NRXN1: variants seen among roughly 807,000 people sequenced by gnomAD.
NRXN1 encodes neurexin 1, also known as neurexin-1.
A neutral mutation model predicts 150.9 loss-of-function variants in NRXN1; 39 were observed. The ratio of observed to expected loss-of-function variants is 0.26; its 90% confidence interval spans 0.20 to 0.34. The LOEUF (loss-of-function observed/expected upper bound fraction) is 0.34. Ranked by LOEUF, NRXN1 falls within the 10% of genes least tolerant of loss-of-function variation. NRXN1 has a pLI of 1.00. For missense variants in NRXN1, 1,815 were observed against 1,949.9 expected, an observed-to-expected ratio of 0.93 and a Z score of 1.30; for synonymous variants, 924 against 757.0, an observed-to-expected ratio of 1.22 and a Z score of -3.62.
intron 21 of NRXN1, among the ~76,000 whole-genome samples, chr2:49,980,765 G>T (rs899878744): frequency 5.3e-5 from 8 of 152,012 alleles, no homozygotes; most frequent in Admixed American, 2.6e-4. Flanking sequence ...AGATATACAG[G>T]CAATGTCATT....
intron 21 of NRXN1, among the ~76,000 whole-genome samples, chr2:50,009,014 G>C (rs1049522927): frequency 2.0e-5 from 3 of 152,078 alleles, no homozygotes; most frequent in Admixed American, 2.0e-4. Context: ...AAAAAGCTCA[G>C]GATGGTTTCA....
At chr2:50,033,792 A>C (rs2152570050) in intron 21 of NRXN1, among the ~76,000 whole-genome samples, 1 of 151,888 alleles carries the variant, frequency 6.6e-6, no homozygotes, top group Admixed American at 6.6e-5. Flanking sequence ...CACACACACA[A>C]ACCCAATTAA....
chr2:50,922,764 G>C, intron 3 of NRXN1, 77 bp from the exon 4 acceptor site: 1 of 1,383,960 alleles, frequency 7.2e-7, no homozygotes, highest in Non-Finnish European at 1.0e-6. Flanking sequence ...TGACAAAAAT[G>C]TTCAGTGACA....
chr2:50,614,656 T>C (rs1256575715), intron 8 of NRXN1, among the ~76,000 whole-genome samples: 1 of 114,846 alleles, frequency 8.7e-6, no homozygotes, highest in Non-Finnish European at 1.8e-5. Context: ...TATATATATA[T>C]ATAAAATAAA....
intron 2 of NRXN1, among the ~76,000 whole-genome samples, chr2:50,968,063 ATAAGAC>A (rs1229502650): frequency 2.6e-5 from 4 of 152,088 alleles, no homozygotes; most frequent in Non-Finnish European, 5.9e-5. Context: ...TTAAAATAAA[ATAAGAC>A]TAATACTGTT....
intron 5 of NRXN1, among the ~76,000 whole-genome samples, chr2:50,634,938 C>T (rs568584917): frequency 3.2e-4 from 49 of 152,218 alleles, no homozygotes; most frequent in African/African-American, 1.1e-3. Context: ...CAGTCAACAA[C>T]ATGAGAGAAA....
intron 8 of NRXN1, among the ~76,000 whole-genome samples, chr2:50,577,094 GT>G (rs1240922166): frequency 2.6e-5 from 4 of 151,928 alleles, no homozygotes; most frequent in African/African-American, 9.7e-5. Flanking sequence ...CCATTATTAC[GT>G]TTTCAAATCT....
rs183215485 is a variant in NRXN1 at position 49,972,077 on chromosome 2, A to G, written c.4129-28286T>C. On this transcript the variant is annotated intron_variant, in intron 21 of 22. Coordinates refer to ENST00000401669, the MANE Select transcript of NRXN1 (RefSeq NM_001330078.2). Reference sequence around the variant, plus strand: ...TAAATTTGTGTTTCTGTTACATTTTAGAAGCATGATTTTTGTCAGATTAAT... The same window carrying G: ...TAAATTTGTGTTTCTGTTACATTTTGGAAGCATGATTTTTGTCAGATTAAT... Among the ~76,000 whole-genome samples, 646 of 152,310 alleles carry G rather than the reference A, an allele frequency of 4.2e-3. 4 individuals carry two copies. The highest frequency in any genetic ancestry group is 0.014 in the Middle Eastern group (4 of 294).
At chr2:50,424,713 A>G (rs2084340346) in intron 17 of NRXN1, among the ~76,000 whole-genome samples, 1 of 152,176 alleles carries the variant, frequency 6.6e-6, no homozygotes, top group Non-Finnish European at 1.5e-5. Flanking sequence ...AGCTTTGTAA[A>G]GAATTCAGGA....
chr2:50,476,332 G>A (rs1412733145), intron 15 of NRXN1, among the ~76,000 whole-genome samples: 1 of 152,104 alleles, frequency 6.6e-6, no homozygotes, highest in East Asian at 1.9e-4. Flanking sequence ...CTAGGGAATA[G>A]GGCACAGGCA....
At chr2:50,427,768 A>G (rs2084619096) in intron 17 of NRXN1, among the ~76,000 whole-genome samples, 1 of 152,228 alleles carries the variant, frequency 6.6e-6, no homozygotes, top group Admixed American at 6.5e-5. Flanking sequence ...ACACAATAAC[A>G]AGACCTAAAA....
chr2:50,236,262 G>C (rs528865077), intron 18 of NRXN1, among the ~76,000 whole-genome samples: 1 of 152,150 alleles, frequency 6.6e-6, no homozygotes, highest in African/African-American at 2.4e-5. Flanking sequence ...ATCAAAATGA[G>C]TACAAAATGG....
chr2:50,530,254 C>T (rs1016851423), intron 11 of NRXN1, among the ~76,000 whole-genome samples: 1 of 152,032 alleles, frequency 6.6e-6, no homozygotes, highest in Non-Finnish European at 1.5e-5. Flanking sequence ...AAAAATTAAA[C>T]TCATAAACAA....
Position 50,347,493 on chromosome 2 carries a change from T to C in NRXN1, c.3365-110523A>G. On this transcript the variant is annotated intron_variant, in intron 17 of 22. Transcript: ENST00000401669. This position sits in a 1 kb window ranked among gnomAD's most constrained non-coding sequence, Gnocchi z 4.9. ...GACCCCATGGAATCCAGGCGCCCCT[T>C]CCCTCCATTCAGCCCCGGCCGGCTC... 9.4e-7 allele frequency: 1 copy of C among 1,066,394 alleles called. No individual in the cohort carries two copies. The highest frequency in any genetic ancestry group is 1.1e-6 in the Non-Finnish European group (1 of 877,646). 66.1% of individuals were successfully genotyped at this position (1,066,394 alleles called of 1,614,324 possible).
chr2:50,047,292 T>C (rs1242226060), intron 21 of NRXN1, among the ~76,000 whole-genome samples: 1 of 152,048 alleles, frequency 6.6e-6, no homozygotes, highest in African/African-American at 2.4e-5. Context: ...TATCAAGTTG[T>C]ACTTTTTGAG....
At chr2:50,297,301 G>A (rs2073700964) in intron 17 of NRXN1, among the ~76,000 whole-genome samples, 1 of 152,234 alleles carries the variant, frequency 6.6e-6, no homozygotes, top group East Asian at 1.9e-4. Flanking sequence ...TAACATCTTC[G>A]ATGATGAAGA....
chr2:50,220,292 G>A (rs1199836946), intron 18 of NRXN1, among the ~76,000 whole-genome samples: 1 of 151,540 alleles, frequency 6.6e-6, no homozygotes, highest in African/African-American at 2.4e-5. Flanking sequence ...TCTGAACTAG[G>A]GTGGATTGTT....
intron 17 of NRXN1, among the ~76,000 whole-genome samples, chr2:50,268,042 C>A (rs1010391621): frequency 1.3e-5 from 2 of 151,832 alleles, no homozygotes; most frequent in Non-Finnish European, 2.9e-5. Flanking sequence ...TACAAAAAAT[C>A]AGCTGGGTGT....
chr2:51,001,964 G>A (rs937015159), intron 2 of NRXN1, among the ~76,000 whole-genome samples: 8 of 152,042 alleles, frequency 5.3e-5, no homozygotes, highest in African/African-American at 1.9e-4. Flanking sequence ...TGTCTCTGAA[G>A]AAGGGTCACA....
Sources: allele counts gnomAD v4.1 joint callset (sites outside exome capture counted in the v4.1 genomes callset), GRCh38; gene constraint gnomAD v4.1.1; non-coding constraint Gnocchi (gnomAD v3.1); transcripts MANE v1.5; gene names NCBI Gene and HGNC (gene_info 2026-07-23, HGNC 2026-07-21).